Variants in ARMC9 observed in about 807,000 individuals in gnomAD.
ARMC9 encodes the protein lisH domain-containing protein ARMC9.
Under a neutral mutation model 107.0 loss-of-function variants are expected in ARMC9, and 94 were observed. The ratio of observed to expected loss-of-function variants is 0.88; its 90% confidence interval spans 0.74 to 1.04. The LOEUF is 1.04. Ranked by LOEUF, ARMC9 falls within the 50% of genes least tolerant of loss-of-function variation. The probability of loss-of-function intolerance (pLI) is 0.00; values close to 1 mark genes in which losing one functional copy is unlikely to be tolerated. For missense variants in ARMC9, 942 were observed against 1,030.1 expected, an observed-to-expected ratio of 0.91 and a Z score of 1.17; for synonymous variants, 380 against 396.9, an observed-to-expected ratio of 0.96 and a Z score of 0.51.
Position 231,361,007 on chromosome 2 carries a change from G to T in ARMC9, c.2261+124G>T, listed in dbSNP as rs73098110. On this transcript the variant is annotated intron_variant, in intron 23 of 24. Coordinates refer to ENST00000611582, the MANE Select transcript of ARMC9 (RefSeq NM_001352754.2). ...CTCTGAGGCCCAGCCTCTGACAGGGGAGGCTAAGGAGCAGTGTCAAGATTC... is the reference window on the plus strand; with the variant it reads ...CTCTGAGGCCCAGCCTCTGACAGGGTAGGCTAAGGAGCAGTGTCAAGATTC... 87,066 of 1,377,378 alleles carry T rather than the reference G, an allele frequency of 0.063. 6,655 individuals are homozygous for T. The highest frequency in any genetic ancestry group is 0.38 in the African/African-American group (25,861 of 68,450). 85.3% of individuals were successfully genotyped at this position (1,377,378 alleles called of 1,614,324 possible).
intron 3 of ARMC9, among the ~76,000 whole-genome samples, 195 bp from the exon 4 acceptor site, chr2:231,214,636 T>C (rs1158520887): frequency 6.6e-6 from 1 of 152,166 alleles, no homozygotes; most frequent in East Asian, 1.9e-4. Context: ...AGATTAGATA[T>C]TGCAAAGGTG....
rs560796411 is a variant in ARMC9, at chr2:231,362,931, G to A, written c.2261+2048G>A. On this transcript the variant is annotated intron_variant, in intron 23 of 24. Transcript: ENST00000611582. This position sits in a 1 kb window ranked among gnomAD's most constrained non-coding sequence, Gnocchi z 4.7. ...CTCACAGAAGCCACAGTCCCTCCAC[G>A]GGGCGGAGACCCCACTGTGTTGTCA... 2.6e-5 allele frequency: 4 copies of A among 153,738 alleles called. No homozygotes were observed. Among genetic ancestry groups the A allele is most frequent in the South Asian group, 4.1e-4 (2 of 4,882 alleles). The allele number at this position is 153,738 out of a possible 1,614,324, so 9.5% of individuals were successfully genotyped here. A position where few individuals can be genotyped will look rare whatever the true frequency, so the allele number is the denominator to read the frequency against.
chr2:231,262,472 C>G, intron 12 of ARMC9, 74 bp downstream of exon 12: 1 of 1,346,462 alleles, frequency 7.4e-7, no homozygotes, highest in Non-Finnish European at 1.1e-6. Flanking sequence ...ATGGGGGAAG[C>G]TTATAATTTC....
chr2:231,240,304 A>G (rs904796558), intron 9 of ARMC9: 2 of 513,132 alleles, frequency 3.9e-6, no homozygotes, highest in Admixed American at 7.3e-5. Context: ...AGGGTTGGGG[A>G]TCAGTAGGAG....
At chr2:231,339,142 A>T (rs1019763518) in intron 20 of ARMC9, among the ~76,000 whole-genome samples, 1 of 152,164 alleles carries the variant, frequency 6.6e-6, no homozygotes, top group African/African-American at 2.4e-5. Context: ...AGCCTGGCCA[A>T]CATGGTGAAA....
intron 19 of ARMC9, among the ~76,000 whole-genome samples, chr2:231,315,653 T>TAC (rs2042627629): frequency 6.6e-6 from 1 of 152,258 alleles, no homozygotes; most frequent in Non-Finnish European, 1.5e-5. Context: ...TGATGTTAAT[T>TAC]ACTATAGCTT....
chr2:231,326,608 G>A (rs2043334720), intron 19 of ARMC9, among the ~76,000 whole-genome samples: 1 of 152,168 alleles, frequency 6.6e-6, no homozygotes, highest in African/African-American at 2.4e-5. Context: ...CACTGACTAT[G>A]TGGTTGAGAG....
At chr2:231,218,125 A>G (rs1259380221) in intron 5 of ARMC9, among the ~76,000 whole-genome samples, 1 of 152,204 alleles carries the variant, frequency 6.6e-6, no homozygotes, top group African/African-American at 2.4e-5. Flanking sequence ...AACAACTTTC[A>G]TCCCTCCTGA....
At chr2:231,342,931 T>G (rs1024780977) in intron 20 of ARMC9, among the ~76,000 whole-genome samples, 3 of 151,958 alleles carry the variant, frequency 2.0e-5, no homozygotes, top group Non-Finnish European at 2.9e-5. Flanking sequence ...TTGTTTTTGT[T>G]TTTGTTTGAG....
rs562739834 is a variant in ARMC9, at chr2:231,256,282, G to C, written c.880-304G>C. ...ACGTGCTCACCCTTTTGGAGTCAGA[G>C]CGAGAAGCCCGGAGGTTGCGCTGAG... On this transcript the variant is annotated intron_variant, in intron 9 of 24. Coordinates refer to ENST00000611582, the MANE Select transcript of ARMC9 (RefSeq NM_001352754.2). 24 of 1,553,850 alleles carry C rather than the reference G, an allele frequency of 1.5e-5. No individual in the cohort carries two copies. In the African/African-American group the frequency reaches 2.6e-4, roughly 17 times the overall value.
chr2:231,253,237 C>G (rs902849937), intron 9 of ARMC9, among the ~76,000 whole-genome samples: 1 of 152,006 alleles, frequency 6.6e-6, no homozygotes, highest in African/African-American at 2.4e-5. Flanking sequence ...CCTCAGCCTC[C>G]TGAGTAGCTG....
chr2:231,323,455 G>A (rs2043114869), intron 19 of ARMC9, among the ~76,000 whole-genome samples: 1 of 152,212 alleles, frequency 6.6e-6, no homozygotes. Context: ...TCTGCCTGCA[G>A]GTGTTACTGG....
intron 19 of ARMC9, among the ~76,000 whole-genome samples, chr2:231,301,745 A>G (rs2041740698): frequency 6.6e-6 from 1 of 152,116 alleles, no homozygotes; most frequent in African/African-American, 2.4e-5. Flanking sequence ...TTGAGAGGCC[A>G]AAACAGGCAC....
At chr2:231,254,660 A>AAAAAAAATTG (rs527443354) in intron 9 of ARMC9, among the ~76,000 whole-genome samples, 4 of 151,824 alleles carry the variant, frequency 2.6e-5, no homozygotes, top group African/African-American at 7.3e-5. Flanking sequence ...CTATAAAAAA[A>AAAAAAAATTG]AAAAAAATTG....
At position 231,335,612 on chromosome 2, in the gene ARMC9, A is replaced by C. The variant is rs968265566; in HGVS notation, c.1878+3715A>C. ...ATGCTTCCAAGGCTTGCGGGAGAGT[A>C]GCGATGGCCCCATGAGATGTGTTGC... On this transcript the variant is annotated intron_variant, in intron 20 of 24. Coordinates refer to ENST00000611582, the MANE Select transcript of ARMC9 (RefSeq NM_001352754.2). Among the ~76,000 whole-genome samples the C allele has an allele frequency of 6.6e-5, 10 of 152,314 alleles. No individual in the cohort carries two copies. The East Asian group carries it at 1.7e-3, about 26-fold the overall frequency.
chr2:231,221,353 CCTTAT>C (rs1559307747), intron 5 of ARMC9, among the ~76,000 whole-genome samples: 1 of 152,062 alleles, frequency 6.6e-6, no homozygotes, highest in Non-Finnish European at 1.5e-5. Context: ...TCCAGTGTGA[CCTTAT>C]CTTAACTTTA....
Position 231,259,085 on chromosome 2 carries a change from T to A in ARMC9, c.1009T>A (p.Leu337Met). ...LGSDRLKAFL[L>M]QALRWRLTTS... ...GAGTGACCGCTTGAAAGCCTTCTTG[T>A]TGCAGGCTCTGCGCTGGGTAGGTAC... Residue 337 changes from leucine to methionine, a missense_variant, in exon 11 of 25, where the codon TTG (leucine) becomes ATG (methionine). Transcript: ENST00000611582. 6.2e-7 allele frequency: 1 copy of A among 1,613,696 alleles called. No individual in the cohort carries two copies. Among genetic ancestry groups the A allele is most frequent in the Non-Finnish European group, 8.5e-7 (1 of 1,179,562 alleles).
rs955071377 is a variant in ARMC9 at position 231,376,143 on chromosome 2, C to T, written c.*4608C>T. Among the ~76,000 whole-genome samples the T allele has an allele frequency of 6.6e-6, 1 of 152,066 alleles. No homozygotes were observed. The highest frequency in any genetic ancestry group is 1.5e-5 in the Non-Finnish European group (1 of 68,026). ...GAGGGGGATGTATGTTGCCTCAGGACCCTGTAATAATTGCATTAACTGCAC... is the reference window on the plus strand; with the variant it reads ...GAGGGGGATGTATGTTGCCTCAGGATCCTGTAATAATTGCATTAACTGCAC... On this transcript the variant is annotated 3_prime_UTR_variant, in exon 25 of 25. Transcript: ENST00000611582.
At chr2:231,249,438 G>A (rs2037085318) in intron 9 of ARMC9, among the ~76,000 whole-genome samples, 1 of 151,998 alleles carries the variant, frequency 6.6e-6, no homozygotes, top group Non-Finnish European at 1.5e-5. Context: ...GTTTGTCTTA[G>A]AAAGTCCCCA....
Sources: gnomAD v4.1 joint callset for allele counts (sites outside exome capture counted in the v4.1 genomes callset) on GRCh38, gnomAD v4.1.1 for gene constraint, Gnocchi (gnomAD v3.1) non-coding constraint, MANE v1.5 for transcripts, NCBI Gene and HGNC (gene_info 2026-07-23, HGNC 2026-07-21) for gene names.